ABI3BP: variants seen among roughly 807,000 people sequenced by gnomAD.
ABI3BP encodes target of Nesh-SH3.
A neutral mutation model predicts 268.6 loss-of-function variants in ABI3BP; 216 were observed. The ratio of observed to expected loss-of-function variants is 0.80; its 90% CI spans 0.72 to 0.90. The LOEUF (loss-of-function observed/expected upper bound fraction) is 0.90. Ranked by LOEUF, ABI3BP falls within the 40% of genes least tolerant of loss-of-function variation. The pLI, the probability that ABI3BP is intolerant of heterozygous loss-of-function variation, is 0.00. For synonymous variants in ABI3BP, 730 were observed against 730.0 expected (o/e 1.00, Z 0.00); for missense variants, 2,090 against 2,182.4 (o/e 0.96, Z 0.84).
Position 100,822,815 on chromosome 3 carries a change from T to C in ABI3BP, c.2804-143A>G. On this transcript the variant is annotated intron_variant, in intron 37 of 67. Coordinates refer to ENST00000471714, the MANE Select transcript of ABI3BP (RefSeq NM_001375547.2). ...TTTTTGTCACATGCATTCCTCCTTA[T>C]AGATCTTTTATCATAGAAAGCTCCT... 4 of 604,430 alleles carry C rather than the reference T, an allele frequency of 6.6e-6. No individual in the cohort carries two copies. In the South Asian group the frequency reaches 7.1e-5, roughly 11 times the overall value. 37.4% of individuals were successfully genotyped at this position (604,430 alleles called of 1,614,324 possible). A position where few individuals can be genotyped will look rare whatever the true frequency, so the allele number is the denominator to read the frequency against.
intron 63 of ABI3BP, 102 bp downstream of exon 63, chr3:100,765,739 A>G (rs2096243220): frequency 1.1e-6 from 1 of 902,628 alleles, no homozygotes; most frequent in Non-Finnish European, 1.7e-6. Flanking sequence ...TGGAAGCTAG[A>G]GCCACCCTCA....
rs370603704 is a variant in ABI3BP, at chr3:100,966,334, G to T, written c.79+26972C>A. 9.2e-5 allele frequency among the ~76,000 whole-genome samples: 14 copies of T among 152,334 alleles called. No individual in the cohort carries two copies. The East Asian group carries it at 2.7e-3, about 29-fold the overall frequency. On this transcript the variant is annotated intron_variant, in intron 1 of 67. Coordinates refer to ENST00000471714, the MANE Select transcript of ABI3BP (RefSeq NM_001375547.2). Reference sequence around the variant, plus strand: ...TTTGCCAACTTTTCTCTGGTGAAGTGAAGGAAGTGAGGCAATGCTATCTCT... The same window carrying T: ...TTTGCCAACTTTTCTCTGGTGAAGTTAAGGAAGTGAGGCAATGCTATCTCT...
At chr3:100,924,315 G>C (rs2061172509) in intron 2 of ABI3BP, among the ~76,000 whole-genome samples, 1 of 152,052 alleles carries the variant, frequency 6.6e-6, no homozygotes, top group African/African-American at 2.4e-5. Context: ...ACCCTGAAAA[G>C]ACATTTTTAA....
intron 14 of ABI3BP, among the ~76,000 whole-genome samples, chr3:100,852,512 G>T (rs2098861323): frequency 6.6e-6 from 1 of 152,156 alleles, no homozygotes; most frequent in Non-Finnish European, 1.5e-5. Flanking sequence ...ACAATAGGAG[G>T]TTATCTCCAT....
intron 14 of ABI3BP, among the ~76,000 whole-genome samples, chr3:100,856,064 G>A (rs1162667949): frequency 6.6e-6 from 1 of 152,138 alleles, no homozygotes; most frequent in Non-Finnish European, 1.5e-5. Context: ...TACTCTCAAA[G>A]CATCAACACC....
intron 62 of ABI3BP, among the ~76,000 whole-genome samples, chr3:100,770,413 A>T (rs971521117): frequency 4.6e-5 from 7 of 152,230 alleles, no homozygotes; most frequent in Admixed American, 6.5e-5. Context: ...AAGGAAAATT[A>T]GTTTTAAATT....
At chr3:100,818,638 T>A in intron 40 of ABI3BP, 57 bp from the exon 41 acceptor site, 1 of 1,306,212 alleles carries the variant, frequency 7.7e-7, no homozygotes. Context: ...ATCTTTCCAT[T>A]ATAATACTGC....
intron 1 of ABI3BP, among the ~76,000 whole-genome samples, chr3:100,946,038 T>C (rs1000722833): frequency 6.6e-6 from 1 of 152,108 alleles, no homozygotes; most frequent in Non-Finnish European, 1.5e-5. Flanking sequence ...ATAAAATTAA[T>C]TATTTTAAGC....
At chr3:100,959,529 C>T (rs1416519343) in intron 1 of ABI3BP, among the ~76,000 whole-genome samples, 1 of 141,384 alleles carries the variant, frequency 7.1e-6, no homozygotes, top group East Asian at 2.1e-4. Context: ...AAGGCTGAAT[C>T]AGAACAACAA....
chr3:100,816,353 T>C (rs2098044017), intron 43 of ABI3BP: 1 of 455,532 alleles, frequency 2.2e-6, no homozygotes, highest in African/African-American at 2.0e-5. Flanking sequence ...TGCCTGTTTA[T>C]GTAATCATAA....
chr3:100,947,442 A>T (rs2073004283), intron 1 of ABI3BP, among the ~76,000 whole-genome samples: 1 of 152,220 alleles, frequency 6.6e-6, no homozygotes, highest in Admixed American at 6.5e-5. Context: ...TTGCAGAAAT[A>T]AGAAGGAAGG....
intron 2 of ABI3BP, among the ~76,000 whole-genome samples, chr3:100,903,229 A>T (rs934486618): frequency 6.6e-6 from 1 of 152,210 alleles, no homozygotes; most frequent in Non-Finnish European, 1.5e-5. Context: ...AACAATTTCT[A>T]AACAGTCACA....
intron 1 of ABI3BP, among the ~76,000 whole-genome samples, chr3:100,985,315 A>AATT (rs1283005659): frequency 6.6e-6 from 1 of 151,320 alleles, no homozygotes; most frequent in Non-Finnish European, 1.5e-5. Context: ...ATGCCCGGCT[A>AATT]ATTTTTTGTA....
chr3:100,939,766 G>A (rs1290817834), intron 1 of ABI3BP, among the ~76,000 whole-genome samples: 4 of 151,998 alleles, frequency 2.6e-5, no homozygotes, highest in Admixed American at 1.3e-4. Flanking sequence ...AGAGCAACCG[G>A]TCTGACCAAA....
chr3:100,920,017 C>A (rs2059771030), intron 2 of ABI3BP, among the ~76,000 whole-genome samples: 1 of 152,154 alleles, frequency 6.6e-6, no homozygotes, highest in South Asian at 2.1e-4. Flanking sequence ...ACTGTGCCAT[C>A]ATCTTAGATT....
At position 100,817,468 on chromosome 3, in the gene ABI3BP, G is replaced by A. The variant is rs1297381362; in HGVS notation, c.3116C>T (p.Thr1039Ile). Residue 1039 changes from threonine (T) to isoleucine (I), a missense_variant, in exon 42 of 68, where the codon ACT (threonine) becomes ATT (isoleucine). Transcript: ENST00000471714. ...MVVTTVLEPD[T>I]FRTKFPETTL... ...TGTTTCTGGAAACTTGGTTCTAAAAGTGTCAGGTTCAAGGACTGTAGTAAC... is the reference window on the plus strand; with the variant it reads ...TGTTTCTGGAAACTTGGTTCTAAAAATGTCAGGTTCAAGGACTGTAGTAAC... 64 of 1,510,416 alleles carry A rather than the reference G, an allele frequency of 4.2e-5. No individual in the cohort carries two copies. In the East Asian group the frequency reaches 1.4e-3, roughly 34 times the overall value. The allele number at this position is 1,510,416 out of a possible 1,614,324, so 93.6% of individuals were successfully genotyped here.
intron 7 of ABI3BP, among the ~76,000 whole-genome samples, chr3:100,875,807 C>G (rs532334978): frequency 6.6e-6 from 1 of 152,286 alleles, no homozygotes; most frequent in Non-Finnish European, 1.5e-5. Context: ...ATAAGGTGTT[C>G]CATTCTAATT....
chr3:100,956,214 AACACACACACACACACACACACACAC>A (rs58723365), intron 1 of ABI3BP, among the ~76,000 whole-genome samples: 1 of 133,708 alleles, frequency 7.5e-6, no homozygotes, highest in South Asian at 2.5e-4. Context: ...AAAGAAAAAC[AACACACACACACACACACACACACAC>A]ACACACACAC....
intron 14 of ABI3BP, among the ~76,000 whole-genome samples, chr3:100,853,685 A>G (rs1031514012): frequency 6.6e-6 from 1 of 152,094 alleles, no homozygotes; most frequent in Non-Finnish European, 1.5e-5. Flanking sequence ...TCATATTTAC[A>G]ATTTCTTTTC....
Sources: allele counts gnomAD v4.1 joint callset (sites outside exome capture counted in the v4.1 genomes callset), GRCh38; gene constraint gnomAD v4.1.1; transcripts MANE v1.5; gene names NCBI Gene and HGNC (gene_info 2026-07-23, HGNC 2026-07-21).